Variants in NEBL observed in about 807,000 individuals in gnomAD.
NEBL encodes nebulette, also known as LIM and SH3 protein 2.
In NEBL, 122 loss-of-function variants were observed where a neutral mutation model predicts 140.2. That is an observed-to-expected ratio of 0.87 (90% confidence interval 0.75 to 1.01). NEBL has a LOEUF of 1.01. NEBL is among the 50% of genes least tolerant of loss of function. NEBL has a pLI of 0.00. For synonymous variants in NEBL, 436 were observed against 398.9 expected (o/e 1.09, Z -1.11); for missense variants, 1,365 against 1,231.3 (o/e 1.11, Z -1.62).
At chr10:21,166,996 A>T (rs1197657752) in intron 2 of NEBL, among the ~76,000 whole-genome samples, 1 of 152,180 alleles carries the variant, frequency 6.6e-6, no homozygotes, top group Non-Finnish European at 1.5e-5. Context: ...AAAGGCACTA[A>T]TGAGGAGTGA....
Position 20,930,103 on chromosome 10 carries a change from T to C in NEBL, c.357+31569A>G, listed in dbSNP as rs1457058172. Reference sequence around the variant, plus strand: ...CCTTCTCCCCTGAGTTTCACACTAGTAGAGAGAACAGCTTAACGGCCACCT... The same window carrying C: ...CCTTCTCCCCTGAGTTTCACACTAGCAGAGAGAACAGCTTAACGGCCACCT... On this transcript the variant is annotated intron_variant, in intron 4 of 6. Transcript: ENST00000417816. 2.0e-5 allele frequency among the ~76,000 whole-genome samples: 3 copies of C among 152,178 alleles called. No individual in the cohort carries two copies. The East Asian group carries it at 5.8e-4, about 29-fold the overall frequency.
intron 14 of NEBL, 64 bp downstream of exon 14, chr10:20,835,449 G>A: frequency 8.6e-7 from 1 of 1,159,598 alleles, no homozygotes; most frequent in South Asian, 1.2e-5. Flanking sequence ...TAATCAAGTT[G>A]CTAATACGAT....
At chr10:21,188,679 C>T (rs1384892352) in intron 3 of NEBL, among the ~76,000 whole-genome samples, 1 of 150,038 alleles carries the variant, frequency 6.7e-6, no homozygotes, top group Non-Finnish European at 1.5e-5. Flanking sequence ...CAGCTCACTG[C>T]AACCTCCGCC....
chr10:21,218,604 A>T (rs1326757117), intron 3 of NEBL, among the ~76,000 whole-genome samples: 1 of 152,220 alleles, frequency 6.6e-6, no homozygotes, highest in Non-Finnish European at 1.5e-5. Flanking sequence ...TCCTCTGCCC[A>T]TGGAACACAA....
chr10:20,914,859 G>C (rs932192504), intron 4 of NEBL, among the ~76,000 whole-genome samples: 3 of 151,256 alleles, frequency 2.0e-5, no homozygotes, highest in African/African-American at 4.9e-5. Flanking sequence ...TTCTGGGGTT[G>C]TTTTGTTTTG....
chr10:21,232,220 C>A (rs1842275524), intron 3 of NEBL, among the ~76,000 whole-genome samples: 1 of 151,958 alleles, frequency 6.6e-6, no homozygotes, highest in Non-Finnish European at 1.5e-5. Flanking sequence ...GCAAAGTAGC[C>A]ATAGACCATG....
chr10:20,853,858 T>C (rs1457566771), intron 9 of NEBL, among the ~76,000 whole-genome samples: 1 of 152,154 alleles, frequency 6.6e-6, no homozygotes, highest in Non-Finnish European at 1.5e-5. Context: ...CAATAATTTA[T>C]TGTACATTTT....
intron 2 of NEBL, among the ~76,000 whole-genome samples, chr10:20,892,255 C>A (rs567530945): frequency 6.6e-6 from 1 of 152,298 alleles, no homozygotes; most frequent in Non-Finnish European, 1.5e-5. Context: ...GGAAATCTTC[C>A]CAGAAGTGCT....
intron 3 of NEBL, among the ~76,000 whole-genome samples, chr10:21,229,920 G>A (rs1222546005): frequency 1.3e-5 from 2 of 152,210 alleles, no homozygotes; most frequent in African/African-American, 4.8e-5. Context: ...CCTTTTATAT[G>A]TAACCCACGT....
At chr10:20,981,070 A>T (rs11012448) in intron 3 of NEBL, among the ~76,000 whole-genome samples, 14,943 of 152,184 alleles carry the variant, frequency 0.098, 1,239 homozygotes, top group East Asian at 0.36. Context: ...GATTATAGGC[A>T]TAAGCCACTG....
intron 2 of NEBL, among the ~76,000 whole-genome samples, chr10:21,153,055 C>T (rs1457610568): frequency 2.0e-5 from 3 of 152,182 alleles, no homozygotes; most frequent in South Asian, 2.1e-4. Context: ...CCCCACATCA[C>T]GAGCCTTCTA....
chr10:21,077,310 A>T (rs951846543), intron 2 of NEBL, among the ~76,000 whole-genome samples: 3 of 152,170 alleles, frequency 2.0e-5, no homozygotes, highest in Admixed American at 6.5e-5. Flanking sequence ...GTACATTTTA[A>T]ATTGCTTTTG....
intron 3 of NEBL, among the ~76,000 whole-genome samples, chr10:21,209,922 C>T (rs1382487382): frequency 6.6e-6 from 1 of 151,998 alleles, no homozygotes; most frequent in Non-Finnish European, 1.5e-5. Flanking sequence ...GATGAGGGAC[C>T]TTAGAATTAA....
chr10:20,854,686 TC>T (rs1307508512), intron 9 of NEBL, among the ~76,000 whole-genome samples: 1 of 145,262 alleles, frequency 6.9e-6, no homozygotes, highest in Non-Finnish European at 1.5e-5. Flanking sequence ...CATCTTAGCC[TC>T]CCAAGTAGCT....
intron 2 of NEBL, among the ~76,000 whole-genome samples, chr10:21,086,515 C>T (rs1281955880): frequency 1.3e-5 from 2 of 152,214 alleles, no homozygotes; most frequent in Admixed American, 6.5e-5. Flanking sequence ...TGGTGGCTCA[C>T]ACCTGTAATC....
intron 10 of NEBL, 112 bp downstream of exon 10, chr10:20,852,433 C>G (rs1478576596): frequency 9.3e-6 from 7 of 755,050 alleles, no homozygotes; most frequent in Non-Finnish European, 1.7e-5. Flanking sequence ...AGGATTTATT[C>G]TTTTCTGCAA....
At chr10:20,946,644 T>C (rs1349938818) in intron 4 of NEBL, among the ~76,000 whole-genome samples, 1 of 152,116 alleles carries the variant, frequency 6.6e-6, no homozygotes, top group African/African-American at 2.4e-5. Context: ...GTATGTTTGG[T>C]AGAGACGAGG....
At chr10:21,121,489 T>C (rs1018326638) in intron 2 of NEBL, among the ~76,000 whole-genome samples, 1 of 152,212 alleles carries the variant, frequency 6.6e-6, no homozygotes, top group African/African-American at 2.4e-5. Context: ...GTGCTTAACT[T>C]TCTGCCTTCC....
At chr10:21,106,088 C>A (rs953696197) in intron 2 of NEBL, among the ~76,000 whole-genome samples, 3 of 151,788 alleles carry the variant, frequency 2.0e-5, no homozygotes, top group African/African-American at 7.3e-5. Context: ...TGGATATTAG[C>A]CCTTTGTCAG....
Sources: gnomAD v4.1 joint callset for allele counts (sites outside exome capture counted in the v4.1 genomes callset) on GRCh38, gnomAD v4.1.1 for gene constraint, MANE v1.5 for transcripts, NCBI Gene and HGNC (gene_info 2026-07-23, HGNC 2026-07-21) for gene names.